The following LRBA variants were observed in gnomAD, a reference collection of about 807,000 sequenced individuals.
LRBA encodes the protein lipopolysaccharide-responsive and beige-like anchor protein.
Under a neutral mutation model 330.0 loss-of-function variants are expected in LRBA, and 176 were observed. That is an observed-to-expected ratio of 0.53 (90% CI 0.47 to 0.60). The LOEUF (loss-of-function observed/expected upper bound fraction) is 0.60. Among genes scored for constraint, LRBA ranks in the 20% least tolerant of loss-of-function variants. The probability of loss-of-function intolerance (pLI) is 0.00; values close to 1 mark genes in which losing one functional copy is unlikely to be tolerated. For missense variants in LRBA, 3,259 were observed against 3,444.8 expected, an observed-to-expected ratio of 0.95 and a Z score of 1.35; for synonymous variants, 1,230 against 1,193.0, an observed-to-expected ratio of 1.03 and a Z score of -0.64.
At chr4:150,488,735 C>A (rs1367363664) in intron 41 of LRBA, among the ~76,000 whole-genome samples, 2 of 127,166 alleles carry the variant, frequency 1.6e-5, no homozygotes, top group Non-Finnish European at 3.5e-5. Context: ...TCTCTACCAA[C>A]CCTTAAAAAA....
At chr4:150,477,427 GCACCTT>G (rs1442524667) in intron 42 of LRBA, among the ~76,000 whole-genome samples, 1 of 152,062 alleles carries the variant, frequency 6.6e-6, no homozygotes, top group Non-Finnish European at 1.5e-5. Context: ...AAAGAAGGAA[GCACCTT>G]CTTCACAAGG....
intron 22 of LRBA, among the ~76,000 whole-genome samples, chr4:150,855,739 A>G (rs1264885978): frequency 1.3e-5 from 2 of 152,298 alleles, no homozygotes; most frequent in African/African-American, 2.4e-5. Context: ...TGGAGGTCAG[A>G]GCTTTGGGAG....
chr4:150,671,056 G>GAGAC (rs1782023116), intron 37 of LRBA, among the ~76,000 whole-genome samples: 1 of 151,390 alleles, frequency 6.6e-6, no homozygotes, highest in Non-Finnish European at 1.5e-5. Flanking sequence ...GAGAGAGAGA[G>GAGAC]AGAGAGACAG....
intron 41 of LRBA, among the ~76,000 whole-genome samples, chr4:150,489,782 G>C (rs1324329157): frequency 7.2e-6 from 1 of 139,540 alleles, no homozygotes; most frequent in Non-Finnish European, 1.5e-5. Flanking sequence ...ATCTGTGTGT[G>C]TGTATGTATC....
At chr4:150,402,981 C>A (rs1745704886) in intron 47 of LRBA, among the ~76,000 whole-genome samples, 1 of 151,998 alleles carries the variant, frequency 6.6e-6, no homozygotes, top group African/African-American at 2.4e-5. Flanking sequence ...CTAGTATATA[C>A]AGAAGTCTTT....
intron 33 of LRBA, among the ~76,000 whole-genome samples, chr4:150,799,596 A>G (rs1262337859): frequency 6.6e-6 from 1 of 152,254 alleles, no homozygotes; most frequent in East Asian, 1.9e-4. Flanking sequence ...AATTCCTGCC[A>G]TTGGGCCCTG....
intron 35 of LRBA, among the ~76,000 whole-genome samples, chr4:150,752,973 T>C (rs1443370443): frequency 6.6e-6 from 1 of 152,202 alleles, no homozygotes; most frequent in Non-Finnish European, 1.5e-5. Context: ...GACTCTCCAC[T>C]TGGAATTCAG....
chr4:150,658,200 C>T (rs1780407368), intron 37 of LRBA, among the ~76,000 whole-genome samples: 1 of 151,970 alleles, frequency 6.6e-6, no homozygotes, highest in African/African-American at 2.4e-5. Flanking sequence ...TAGATTCCCC[C>T]CCTTCTTTTG....
At chr4:150,298,911 T>C (rs1312066444) in intron 53 of LRBA, among the ~76,000 whole-genome samples, 1 of 152,098 alleles carries the variant, frequency 6.6e-6, no homozygotes, top group African/African-American at 2.4e-5. Context: ...AAAGATATTA[T>C]TCAGATATCT....
At chr4:150,323,679 G>A (rs1480045090) in intron 49 of LRBA, among the ~76,000 whole-genome samples, 1 of 152,142 alleles carries the variant, frequency 6.6e-6, no homozygotes, top group African/African-American at 2.4e-5. Context: ...CCTGATGCAG[G>A]CAAGTAGCAG....
At chr4:150,587,698 A>T (rs909239874) in intron 40 of LRBA, among the ~76,000 whole-genome samples, 1 of 152,118 alleles carries the variant, frequency 6.6e-6, no homozygotes, top group Non-Finnish European at 1.5e-5. Context: ...ATAAAGGCTA[A>T]ACAAAATAAT....
chr4:150,422,439 A>C (rs1748945983), intron 46 of LRBA, among the ~76,000 whole-genome samples: 1 of 151,996 alleles, frequency 6.6e-6, no homozygotes, highest in Non-Finnish European at 1.5e-5. Context: ...ATTAACAACT[A>C]GAAAAGGAAG....
chr4:150,740,994 A>G (rs1034607483), intron 35 of LRBA, among the ~76,000 whole-genome samples: 2 of 152,106 alleles, frequency 1.3e-5, no homozygotes, highest in African/African-American at 4.8e-5. Context: ...TCTACCTCAA[A>G]CCATACAAAC....
intron 36 of LRBA, among the ~76,000 whole-genome samples, chr4:150,711,063 T>C (rs1786148636): frequency 6.6e-6 from 1 of 151,832 alleles, no homozygotes; most frequent in Non-Finnish European, 1.5e-5. Context: ...AAAAAAAATT[T>C]GAAAGTTTCA....
chr4:150,475,731 T>TAA (rs368974634), intron 42 of LRBA, among the ~76,000 whole-genome samples: 21 of 133,190 alleles, frequency 1.6e-4, no homozygotes, highest in African/African-American at 3.3e-4. Context: ...CCTATCTCTA[T>TAA]AAAAAAAAAA....
At chr4:150,297,849 G>A (rs1464680160) in intron 53 of LRBA, among the ~76,000 whole-genome samples, 3 of 152,032 alleles carry the variant, frequency 2.0e-5, no homozygotes, top group African/African-American at 4.8e-5. Flanking sequence ...AATATTTATC[G>A]TACAGTTGCA....
rs147626693 is a variant in LRBA at position 150,990,398 on chromosome 4, A to C, written c.216+24029T>G. Among the ~76,000 whole-genome samples the C allele has an allele frequency of 3.7e-3, 561 of 152,294 alleles. 3 individuals carry two copies. Among genetic ancestry groups the C allele is most frequent in the African/African-American group, 0.013 (545 of 41,556 alleles). On this transcript the variant is annotated intron_variant, in intron 2 of 56. Transcript: ENST00000651943. ...TATTTGAAGTTCACTGTACAAATAC[A>C]TTACTCCAACACTCCAGTGTTAAGG...
intron 23 of LRBA, among the ~76,000 whole-genome samples, chr4:150,851,269 T>A (rs2126917021): frequency 6.6e-6 from 1 of 152,136 alleles, no homozygotes; most frequent in Non-Finnish European, 1.5e-5. Flanking sequence ...GTGGCTAGAA[T>A]GAAGAATAAA....
intron 2 of LRBA, among the ~76,000 whole-genome samples, chr4:150,969,164 C>A (rs748586374): frequency 6.6e-6 from 1 of 152,194 alleles, no homozygotes; most frequent in Non-Finnish European, 1.5e-5. Flanking sequence ...AGGAGATTCA[C>A]GTTGTTTTCG....
Sources: allele counts gnomAD v4.1 joint callset (sites outside exome capture counted in the v4.1 genomes callset), GRCh38; gene constraint gnomAD v4.1.1; transcripts MANE v1.5; gene names NCBI Gene and HGNC (gene_info 2026-07-23, HGNC 2026-07-21).